CSMD3: variants seen among roughly 807,000 people sequenced by gnomAD.
CSMD3 encodes CUB and sushi domain-containing protein 3.
A neutral mutation model predicts 435.2 loss-of-function variants in CSMD3; 177 were observed. The observed-to-expected ratio is 0.41, with a 90% CI of 0.36 to 0.46. The LOEUF is 0.46. Among genes scored for constraint, CSMD3 ranks in the 20% least tolerant of loss-of-function variants. The pLI is 0.34. For missense variants in CSMD3, 4,265 were observed against 4,504.6 expected, an observed-to-expected ratio of 0.95 and a Z score of 1.52; for synonymous variants, 1,656 against 1,520.5, an observed-to-expected ratio of 1.09 and a Z score of -2.07.
intron 61 of CSMD3, among the ~76,000 whole-genome samples, chr8:112,256,894 C>G (rs1815857980): frequency 6.6e-6 from 1 of 151,980 alleles, no homozygotes; most frequent in South Asian, 2.1e-4. Context: ...AAAGGGGATC[C>G]TAAATGTACA....
At chr8:112,286,551 A>G (rs946109055) in intron 58 of CSMD3, among the ~76,000 whole-genome samples, 3 of 152,168 alleles carry the variant, frequency 2.0e-5, no homozygotes, top group African/African-American at 7.2e-5. Flanking sequence ...TTTGAGTGAG[A>G]GACCATATTC....
At chr8:112,237,003 C>T (rs1308547949) in intron 67 of CSMD3, among the ~76,000 whole-genome samples, 187 bp downstream of exon 67, 1 of 151,986 alleles carries the variant, frequency 6.6e-6, no homozygotes, top group Non-Finnish European at 1.5e-5. Context: ...TTTTATATTT[C>T]TGTAGTAATA....
intron 32 of CSMD3, among the ~76,000 whole-genome samples, chr8:112,469,847 T>C (rs1183645413): frequency 2.0e-5 from 3 of 151,932 alleles, no homozygotes; most frequent in Admixed American, 6.6e-5. Context: ...ATATGAAACA[T>C]ATAGAAGAAG....
At chr8:112,312,805 T>A (rs756394813) in intron 49 of CSMD3, among the ~76,000 whole-genome samples, 37 of 152,168 alleles carry the variant, frequency 2.4e-4, no homozygotes, top group Non-Finnish European at 4.9e-4. Context: ...TTTGTATAAA[T>A]GAGTAAAATT....
chr8:113,105,410 T>A (rs2090446317), intron 4 of CSMD3, among the ~76,000 whole-genome samples: 1 of 152,116 alleles, frequency 6.6e-6, no homozygotes, highest in African/African-American at 2.4e-5. Context: ...CAATGGAATG[T>A]TAGTCATAGG....
intron 38 of CSMD3, among the ~76,000 whole-genome samples, chr8:112,354,267 T>C (rs1826392225): frequency 6.6e-6 from 1 of 152,122 alleles, no homozygotes; most frequent in Non-Finnish European, 1.5e-5. Context: ...GCTGGGATAA[T>C]TCATGTTGAG....
intron 13 of CSMD3, among the ~76,000 whole-genome samples, chr8:112,710,492 T>G (rs1442833462): frequency 6.6e-6 from 1 of 152,158 alleles, no homozygotes; most frequent in Admixed American, 6.6e-5. Context: ...ATTATGTTTT[T>G]AATCACATTA....
At chr8:113,051,103 T>A (rs1177113534) in intron 5 of CSMD3, among the ~76,000 whole-genome samples, 3 of 152,116 alleles carry the variant, frequency 2.0e-5, no homozygotes, top group African/African-American at 4.8e-5. Context: ...ACTCTAACAA[T>A]TTTTCCACAA....
chr8:112,665,179 A>C (rs2131701449), intron 17 of CSMD3, among the ~76,000 whole-genome samples: 1 of 152,266 alleles, frequency 6.6e-6, no homozygotes, highest in Admixed American at 6.6e-5. Context: ...AGTTGTAACT[A>C]ATCAAGCTGT....
rs780030998 is a variant in CSMD3 at position 112,975,950 on chromosome 8, G to A, written c.1229C>T (p.Thr410Met). The change falls in exon 7 of 71, where the codon ACG becomes ATG. Residue 410 changes from threonine to methionine, a missense_variant. Physicochemically the swap from Thr to Met is moderately conservative, Grantham distance 81. Around this residue, in one of 3 missense-constraint regions of CSMD3, gnomAD observed 731 missense variants for 755.4 expected, o/e 0.97. Transcript: ENST00000297405. ...SLRNSGLDPN[T>M]SKDGLSPHPA... ...ATGAGGAGAGAGCCCGTCCTTGGAC[G>A]TGTTGGGGTCCAGACCTGAATTTCT... 8.1e-6 allele frequency: 13 copies of A among 1,613,900 alleles called. No individual in the cohort carries two copies. The highest frequency in any genetic ancestry group is 4.5e-5 in the East Asian group (2 of 44,876).
intron 16 of CSMD3, among the ~76,000 whole-genome samples, chr8:112,678,932 T>G (rs1382077373): frequency 1.3e-5 from 2 of 151,754 alleles, no homozygotes; most frequent in Admixed American, 6.6e-5. Flanking sequence ...GCCCCAAAGA[T>G]GAACAATAAT....
intron 6 of CSMD3, among the ~76,000 whole-genome samples, chr8:112,995,643 T>A (rs553236309): frequency 4.6e-5 from 7 of 151,534 alleles, no homozygotes; most frequent in East Asian, 1.9e-4. Flanking sequence ...ATATTTTAAA[T>A]ATTTTAGATA....
intron 61 of CSMD3, among the ~76,000 whole-genome samples, chr8:112,260,728 T>C (rs1816307104): frequency 6.6e-6 from 1 of 151,956 alleles, no homozygotes; most frequent in Admixed American, 6.6e-5. Flanking sequence ...CCTCCATGAG[T>C]CAGAATTTTA....
intron 1 of CSMD3, among the ~76,000 whole-genome samples, chr8:113,356,420 T>C (rs1033691616): frequency 2.6e-5 from 4 of 152,154 alleles, no homozygotes; most frequent in Non-Finnish European, 5.9e-5. Flanking sequence ...GTCAGCTTTT[T>C]TTGTGGTTAA....
chr8:112,768,367 A>C (rs1303295685), intron 13 of CSMD3, among the ~76,000 whole-genome samples: 1 of 151,848 alleles, frequency 6.6e-6, no homozygotes. Flanking sequence ...CACTTTTTAT[A>C]CCTGTCCTTT....
At chr8:112,705,735 C>A (rs2076486311) in intron 13 of CSMD3, among the ~76,000 whole-genome samples, 1 of 151,986 alleles carries the variant, frequency 6.6e-6, no homozygotes. Flanking sequence ...AATTCTCTGG[C>A]ACACATTTTT....
chr8:112,385,546 G>C (rs1250870220), intron 36 of CSMD3, among the ~76,000 whole-genome samples: 2 of 49,286 alleles, frequency 4.1e-5, no homozygotes, highest in Non-Finnish European at 7.6e-5. Flanking sequence ...GGTGAAGAAA[G>C]TAAAAGTGAA....
chr8:113,171,676 G>A (rs1457490093), intron 4 of CSMD3, among the ~76,000 whole-genome samples: 2 of 152,120 alleles, frequency 1.3e-5, no homozygotes, highest in African/African-American at 4.8e-5. Context: ...AAGGTAACAA[G>A]CTCAGGCTTT....
chr8:113,098,731 A>G (rs2131545571), intron 5 of CSMD3, 25 bp downstream of exon 5: 1 of 1,467,294 alleles, frequency 6.8e-7, no homozygotes, highest in Non-Finnish European at 9.6e-7. Flanking sequence ...CATCAATGCA[A>G]GGTTAATAGA....
Sources: allele counts gnomAD v4.1 joint callset (sites outside exome capture counted in the v4.1 genomes callset), GRCh38; gene constraint gnomAD v4.1.1; regional missense constraint gnomAD v4.1.1; transcripts MANE v1.5; gene names NCBI Gene and HGNC (gene_info 2026-07-23, HGNC 2026-07-21).